AFAP1L2: variants seen among roughly 807,000 people sequenced by gnomAD.
AFAP1L2 encodes actin filament associated protein 1 like 2, also known as actin filament-associated protein 1-like 2.
Under a neutral mutation model 99.3 loss-of-function variants are expected in AFAP1L2, and 46 were observed. The observed-to-expected ratio is 0.46, with a 90% CI of 0.37 to 0.59. The LOEUF (loss-of-function observed/expected upper bound fraction) is 0.59. Ranked by LOEUF, AFAP1L2 falls within the 20% of genes least tolerant of loss-of-function variation. AFAP1L2 has a pLI of 0.00. For synonymous variants in AFAP1L2, 397 were observed against 419.1 expected (o/e 0.95, Z 0.64); for missense variants, 959 against 1,034.9 (o/e 0.93, Z 1.01).
intron 1 of AFAP1L2, among the ~76,000 whole-genome samples, chr10:114,381,791 AC>A (rs1483975367): frequency 9.9e-5 from 15 of 152,172 alleles, no homozygotes; most frequent in African/African-American, 3.6e-4. Flanking sequence ...AATCTCCTTC[AC>A]ACATAAAAAG....
intron 1 of AFAP1L2, among the ~76,000 whole-genome samples, chr10:114,363,738 C>T (rs2052783172): frequency 6.6e-6 from 1 of 152,224 alleles, no homozygotes; most frequent in South Asian, 2.1e-4. Flanking sequence ...CTTCTGTCCT[C>T]CAACATTCAG....
chr10:114,282,470 C>T, the AFAP1L2 span: 1 of 1,510,828 alleles, frequency 6.6e-7, no homozygotes, highest in Non-Finnish European at 9.2e-7. Context: ...TCTGCCCTCC[C>T]CTTACACCTC....
At chr10:114,286,517 G>C in the AFAP1L2 span, 24 of 1,555,194 alleles carry the variant, frequency 1.5e-5, no homozygotes, top group Admixed American at 3.8e-4. Flanking sequence ...GCCAGGTAAG[G>C]TCCCAGTGCC....
At chr10:114,336,848 G>C (rs539934313) in intron 2 of AFAP1L2, among the ~76,000 whole-genome samples, 1 of 152,178 alleles carries the variant, frequency 6.6e-6, no homozygotes, top group African/African-American at 2.4e-5. Flanking sequence ...AAAGCAAAGA[G>C]GGTAGAAAAA....
chr10:114,390,471 C>A lies in AFAP1L2; in HGVS notation c.16+13969G>T, dbSNP rs149824106. ...GCTGCGGTGGCTCACGCCTGTAATC[C>A]CAGCACTTTGGGAGGCTGAGGCGGG... On this transcript the variant is annotated intron_variant, in intron 1 of 18. Transcript: ENST00000304129. 4.3e-3 allele frequency among the ~76,000 whole-genome samples: 661 copies of A among 152,226 alleles called. 24 individuals carry two copies. The East Asian group carries it at 0.095, about 22-fold the overall frequency.
chr10:114,367,830 G>A (rs1010261350), intron 1 of AFAP1L2, among the ~76,000 whole-genome samples: 5 of 152,140 alleles, frequency 3.3e-5, no homozygotes, highest in East Asian at 1.9e-4. Flanking sequence ...ATGGGAAGGC[G>A]CACACAAATT....
At chr10:114,368,800 A>T (rs2053665137) in intron 1 of AFAP1L2, among the ~76,000 whole-genome samples, 1 of 151,686 alleles carries the variant, frequency 6.6e-6, no homozygotes. Context: ...ACACACACAC[A>T]CACACACACA....
chr10:114,284,113 TGGACCACAG>T, the AFAP1L2 span, among the ~76,000 whole-genome samples: 1 of 152,240 alleles, frequency 6.6e-6, no homozygotes, highest in Admixed American at 6.5e-5. Context: ...TGCTCAGGCA[TGGACCACAG>T]GGAATCATAG....
downstream of AFAP1L2, chr10:114,291,305 C>A: frequency 1.3e-6 from 2 of 1,496,032 alleles, no homozygotes; most frequent in South Asian, 1.3e-5. Flanking sequence ...AAGGCCTGGG[C>A]ACTGAAATGG....
intron 1 of AFAP1L2, among the ~76,000 whole-genome samples, chr10:114,364,888 G>C (rs746506059): frequency 6.6e-6 from 1 of 152,042 alleles, no homozygotes; most frequent in Non-Finnish European, 1.5e-5. Flanking sequence ...GCTCCTTCTC[G>C]GGTCATGAAT....
chr10:114,394,953 G>C (rs2057536669), intron 1 of AFAP1L2, among the ~76,000 whole-genome samples: 1 of 152,212 alleles, frequency 6.6e-6, no homozygotes, highest in South Asian at 2.1e-4. Context: ...TACAGAAACC[G>C]TGCTTGACCA....
the AFAP1L2 span, chr10:114,289,204 G>T: frequency 1.2e-6 from 2 of 1,613,458 alleles, no homozygotes; most frequent in Non-Finnish European, 1.7e-6. Flanking sequence ...AGCCGGCACC[G>T]CCCTGCTGCA....
chr10:114,374,157 G>T (rs534164048), intron 1 of AFAP1L2, among the ~76,000 whole-genome samples: 1 of 152,210 alleles, frequency 6.6e-6, no homozygotes, highest in African/African-American at 2.4e-5. Flanking sequence ...AGGATGTTTT[G>T]TCGGTTATTT....
chr10:114,301,541 A>C, intron 12 of AFAP1L2, 76 bp from the exon 13 acceptor site: 1 of 1,105,822 alleles, frequency 9.0e-7, no homozygotes, highest in Non-Finnish European at 1.4e-6. Flanking sequence ...AAGGATTCCC[A>C]GTGAGGAGTG....
chr10:114,300,583 G>C lies in AFAP1L2; in HGVS notation c.1650C>G (p.Pro550=), dbSNP rs1325943064. The change falls in exon 14 of 19, where the codon CCC becomes CCG. Residue 550 remains proline (P), a synonymous_variant. Transcript: ENST00000304129. The part of the protein sequence containing the change: ...LTPVKSFLHG[P]SSAQAQASSP... ...AGGAGGCCTGGGCCTGTGCACTGCT[G>C]GGGCCATGCAGAAAGGACTTGACAG... 3 of 1,614,064 alleles carry C rather than the reference G, an allele frequency of 1.9e-6. No homozygotes were observed. Among genetic ancestry groups the C allele is most frequent in the Non-Finnish European group, 2.5e-6 (3 of 1,180,042 alleles).
the AFAP1L2 span, chr10:114,284,828 C>T: frequency 0.31 from 486,485 of 1,565,320 alleles, 79,070 homozygotes; most frequent in African/African-American, 0.47. Flanking sequence ...CTCTGTGCTG[C>T]GGTGCTTAGC....
chr10:114,400,938 A>C (rs2058174694), intron 1 of AFAP1L2, among the ~76,000 whole-genome samples: 1 of 152,216 alleles, frequency 6.6e-6, no homozygotes. Flanking sequence ...TAGGCATTGA[A>C]AAATAACAAA....
At chr10:114,327,567 C>T (rs535864186) in intron 4 of AFAP1L2, among the ~76,000 whole-genome samples, 23 of 152,128 alleles carry the variant, frequency 1.5e-4, no homozygotes, top group Admixed American at 3.9e-4. Context: ...TCCAGAGGGC[C>T]GCAAATCTTT....
At chr10:114,389,975 T>TTGACAA (rs1195325384) in intron 1 of AFAP1L2, among the ~76,000 whole-genome samples, 9 of 152,236 alleles carry the variant, frequency 5.9e-5, no homozygotes, top group African/African-American at 1.9e-4. Flanking sequence ...GCTTCTGGCA[T>TTGACAA]TGACAATAGG....
Sources: gnomAD v4.1 joint callset for allele counts (sites outside exome capture counted in the v4.1 genomes callset) on GRCh38, gnomAD v4.1.1 for gene constraint, MANE v1.5 for transcripts, NCBI Gene and HGNC (gene_info 2026-07-23, HGNC 2026-07-21) for gene names.